VPS13B: variants seen among roughly 807,000 people sequenced by gnomAD.
VPS13B encodes the protein intermembrane lipid transfer protein VPS13B.
Under a neutral mutation model 426.4 loss-of-function variants are expected in VPS13B, and 285 were observed. The observed-to-expected ratio is 0.67, with a 90% CI of 0.61 to 0.74. VPS13B has a LOEUF of 0.74. Among genes scored for constraint, VPS13B ranks in the 30% least tolerant of loss-of-function variants. VPS13B has a pLI of 0.00. For synonymous variants in VPS13B, 1,676 were observed against 1,676.4 expected, an observed-to-expected ratio of 1.00 and a Z score of 0.01; for missense variants, 4,537 against 4,782.6, an observed-to-expected ratio of 0.95 and a Z score of 1.51.
intron 25 of VPS13B, among the ~76,000 whole-genome samples, chr8:99,500,712 C>T (rs1821180674): frequency 6.6e-6 from 1 of 152,084 alleles, no homozygotes; most frequent in African/African-American, 2.4e-5. Context: ...TGGGTTTAAG[C>T]TCGCAAGTTT....
At chr8:99,392,375 G>T (rs940266931) in intron 21 of VPS13B, among the ~76,000 whole-genome samples, 1 of 151,774 alleles carries the variant, frequency 6.6e-6, no homozygotes, top group Non-Finnish European at 1.5e-5. Flanking sequence ...TAATTTTTAT[G>T]ATTTTATTTT....
chr8:99,324,783 T>C (rs1810154516), intron 19 of VPS13B, among the ~76,000 whole-genome samples: 1 of 152,178 alleles, frequency 6.6e-6, no homozygotes, highest in African/African-American at 2.4e-5. Flanking sequence ...GAACCAATTA[T>C]TTATATATTG....
At chr8:99,852,170 T>TGA (rs1816329508) in intron 55 of VPS13B, among the ~76,000 whole-genome samples, 1 of 152,182 alleles carries the variant, frequency 6.6e-6, no homozygotes, top group African/African-American at 2.4e-5. Context: ...TTAACTAAGA[T>TGA]GAGAGAGACT....
At chr8:99,612,520 T>A (rs72674687) in intron 33 of VPS13B, among the ~76,000 whole-genome samples, 1 of 152,054 alleles carries the variant, frequency 6.6e-6, no homozygotes, top group East Asian at 1.9e-4. Flanking sequence ...GCCAGAGTAA[T>A]TATCCTAAGG....
intron 8 of VPS13B, among the ~76,000 whole-genome samples, chr8:99,133,099 C>T (rs1043876204): frequency 1.3e-5 from 2 of 152,178 alleles, no homozygotes; most frequent in African/African-American, 2.4e-5. Flanking sequence ...CATCTTCTTC[C>T]AGGAGAAGGC....
At chr8:99,219,141 A>C (rs868173290) in intron 17 of VPS13B, among the ~76,000 whole-genome samples, 1 of 152,190 alleles carries the variant, frequency 6.6e-6, no homozygotes. Context: ...CTGGTTTTCC[A>C]AGTGGCAGCG....
In VPS13B at chr8:99,467,407, A is replaced by G. The variant is rs1286759524; in HGVS notation, c.3446-7A>G. ...GCTTCCCTATTCCCTTTTATCCCCT[A>G]TATCAGGTGATGCTTTTCCTTGGAC... On this transcript the variant is annotated splice_polypyrimidine_tract_variant and splice_region_variant and intron_variant, in intron 23 of 61. Coordinates refer to ENST00000357162, the MANE Select transcript of VPS13B (RefSeq NM_152564.5). 3 of 1,612,358 alleles carry G rather than the reference A, an allele frequency of 1.9e-6. No individual in the cohort carries two copies. The highest frequency in any genetic ancestry group is 8.5e-7 in the Non-Finnish European group (1 of 1,178,564).
At chr8:99,257,413 G>A (rs1280297205) in intron 17 of VPS13B, among the ~76,000 whole-genome samples, 2 of 152,072 alleles carry the variant, frequency 1.3e-5, no homozygotes, top group African/African-American at 2.4e-5. Context: ...TTTGTGTTGT[G>A]GCATTAGTGA....
intron 33 of VPS13B, among the ~76,000 whole-genome samples, chr8:99,609,952 A>G (rs1420213736): frequency 6.6e-6 from 1 of 152,182 alleles, no homozygotes; most frequent in Non-Finnish European, 1.5e-5. Context: ...ATTAGTTTTG[A>G]TGTTAAACGG....
chr8:99,029,263 G>T (rs540004012), intron 2 of VPS13B, among the ~76,000 whole-genome samples: 2 of 150,388 alleles, frequency 1.3e-5, no homozygotes, highest in Non-Finnish European at 3.0e-5. Context: ...ATGGGATGGC[G>T]GCCGGGCAGA....
chr8:99,776,991 T>G, intron 41 of VPS13B, 35 bp downstream of exon 41: 1 of 1,587,900 alleles, frequency 6.3e-7, no homozygotes, highest in Non-Finnish European at 8.6e-7. Flanking sequence ...TAACATCCAT[T>G]TAATACTTAC....
intron 31 of VPS13B, among the ~76,000 whole-genome samples, chr8:99,564,989 T>C (rs1825114360): frequency 6.6e-6 from 1 of 152,240 alleles, no homozygotes; most frequent in African/African-American, 2.4e-5. Context: ...GGAAATGTAC[T>C]GATGTCTGCC....
chr8:99,219,413 TC>T (rs1339387704), intron 17 of VPS13B, among the ~76,000 whole-genome samples: 3 of 152,214 alleles, frequency 2.0e-5, no homozygotes, highest in Non-Finnish European at 4.4e-5. Context: ...CAGCTTGGCT[TC>T]AAGTGGCAAA....
chr8:99,224,292 C>T (rs1040363953), intron 17 of VPS13B, among the ~76,000 whole-genome samples: 26 of 152,016 alleles, frequency 1.7e-4, no homozygotes, highest in Non-Finnish European at 8.8e-5. Flanking sequence ...CATATGGAAA[C>T]ATTTCTAAGT....
In VPS13B at chr8:99,375,379, G is replaced by C. The variant is rs115063773; in HGVS notation, c.2825-8829G>C. Among the ~76,000 whole-genome samples, 387 of 152,260 alleles carry C rather than the reference G, an allele frequency of 2.5e-3. 3 individuals carry two copies. Among genetic ancestry groups the C allele is most frequent in the African/African-American group, 8.1e-3 (335 of 41,550 alleles). On this transcript the variant is annotated intron_variant, in intron 19 of 61. Transcript: ENST00000357162. Reference sequence around the variant, plus strand: ...GCTCTGATGAAAGCTGAAAAGCTTTGATAGATTACATGGCTCGTTGTTGCT... The same window carrying C: ...GCTCTGATGAAAGCTGAAAAGCTTTCATAGATTACATGGCTCGTTGTTGCT...
chr8:99,719,441 A>G (rs1833050285), intron 37 of VPS13B, among the ~76,000 whole-genome samples: 1 of 152,112 alleles, frequency 6.6e-6, no homozygotes, highest in Admixed American at 6.5e-5. Flanking sequence ...TTTTACTTTC[A>G]TTTCTGAGAT....
chr8:99,216,630 C>G (rs937074299), intron 17 of VPS13B, among the ~76,000 whole-genome samples: 2 of 150,434 alleles, frequency 1.3e-5, no homozygotes, highest in Non-Finnish European at 3.0e-5. Context: ...CAAATTTACC[C>G]TATCTAGTAT....
At chr8:99,015,215 A>ATTT (rs35213007) in intron 2 of VPS13B, among the ~76,000 whole-genome samples, 14 of 127,892 alleles carry the variant, frequency 1.1e-4, no homozygotes, top group Non-Finnish European at 1.8e-4. Context: ...TAACAGCTCA[A>ATTT]TTTTTTTTTT....
At chr8:99,212,243 G>A (rs540000126) in intron 17 of VPS13B, among the ~76,000 whole-genome samples, 4 of 152,298 alleles carry the variant, frequency 2.6e-5, no homozygotes, top group South Asian at 2.1e-4. Flanking sequence ...GGCACGGGCT[G>A]TGACTGGCTT....
Sources: gnomAD v4.1 joint callset for allele counts (sites outside exome capture counted in the v4.1 genomes callset) on GRCh38, gnomAD v4.1.1 for gene constraint, MANE v1.5 for transcripts, NCBI Gene and HGNC (gene_info 2026-07-23, HGNC 2026-07-21) for gene names.